MARK4: variants seen among roughly 807,000 people sequenced by gnomAD.
The protein encoded by MARK4 is MAP/microtubule affinity-regulating kinase 4.
Under a neutral mutation model 81.5 loss-of-function variants are expected in MARK4, and 19 were observed. The ratio of observed to expected loss-of-function variants is 0.23; its 90% CI spans 0.16 to 0.34. The LOEUF is 0.34. Ranked by LOEUF, MARK4 falls within the 10% of genes least tolerant of loss-of-function variation. The pLI is 1.00. For synonymous variants in MARK4, 436 were observed against 439.0 expected, an observed-to-expected ratio of 0.99 and a Z score of 0.08; for missense variants, 772 against 1,058.8, an observed-to-expected ratio of 0.73 and a Z score of 3.76.
chr19:45,301,434 G>A lies in MARK4; in HGVS notation c.1923-940G>A, dbSNP rs553326758. On this transcript the variant is annotated intron_variant, in intron 16 of 16. Coordinates refer to ENST00000262891, the MANE Select transcript of MARK4 (RefSeq NM_001199867.2). Reference sequence around the variant, plus strand: ...CAAAAATTAGCTGGCCGTGGTGCCTGTTCTCCCAGCTACTTGGGAAGCTGA... The same window carrying A: ...CAAAAATTAGCTGGCCGTGGTGCCTATTCTCCCAGCTACTTGGGAAGCTGA... Among the ~76,000 whole-genome samples the A allele has an allele frequency of 2.6e-5, 4 of 151,938 alleles. No homozygotes were observed. In the South Asian group the frequency reaches 8.3e-4, roughly 32 times the overall value.
At position 45,302,355 on chromosome 19, in the gene MARK4, T is replaced by G. The variant is rs748917582; in HGVS notation, c.1923-19T>G. 2 of 1,614,042 alleles carry G rather than the reference T, an allele frequency of 1.2e-6. No individual in the cohort carries two copies. The highest frequency in any genetic ancestry group is 2.2e-5 in the South Asian group (2 of 91,080). ...CCTCTTCGCTCCCATCTCTGACCCC[T>G]GACATCTTCTCGCCTCAGTTGCCAT... On this transcript the variant is annotated intron_variant, in intron 16 of 16. Transcript: ENST00000262891. This position sits in a 1 kb window ranked among gnomAD's most constrained non-coding sequence, Gnocchi z 4.9.
intron 2 of MARK4, among the ~76,000 whole-genome samples, chr19:45,262,266 G>T (rs553430546): frequency 1.0e-3 from 146 of 146,136 alleles, no homozygotes; most frequent in African/African-American, 3.6e-3. Context: ...GGTCAAGGTT[G>T]CAGTGAGCTA....
intron 4 of MARK4, 83 bp from the exon 5 acceptor site, chr19:45,264,601 T>A: frequency 7.5e-7 from 1 of 1,338,612 alleles, no homozygotes; most frequent in Admixed American, 1.7e-5. Flanking sequence ...GGTGTTATGG[T>A]TGGCACATTT....
At chr19:45,272,259 G>C (rs1343921788) in intron 8 of MARK4, among the ~76,000 whole-genome samples, 1 of 152,202 alleles carries the variant, frequency 6.6e-6, no homozygotes, top group East Asian at 1.9e-4. Flanking sequence ...TTGAACCTGG[G>C]AGATCAAGAC....
chr19:45,282,565 C>T (rs1013319056), intron 12 of MARK4, among the ~76,000 whole-genome samples: 2 of 152,180 alleles, frequency 1.3e-5, no homozygotes, highest in East Asian at 1.9e-4. Context: ...CAGCGGCTCA[C>T]GCCTGTAATC....
At chr19:45,300,744 A>G (rs916129750) in intron 16 of MARK4, among the ~76,000 whole-genome samples, 2 of 152,204 alleles carry the variant, frequency 1.3e-5, no homozygotes, top group Non-Finnish European at 2.9e-5. Flanking sequence ...ACAAACTGCC[A>G]GGGCTGACTC....
chr19:45,292,783 A>C (rs1472225417), intron 13 of MARK4, among the ~76,000 whole-genome samples: 1 of 152,042 alleles, frequency 6.6e-6, no homozygotes, highest in Non-Finnish European at 1.5e-5. Context: ...AGGTGAAAGG[A>C]TCCACTTGAG....
rs1041970938 is a variant in MARK4, at chr19:45,299,700, G to A, written c.1878-111G>A. The A allele has an allele frequency of 8.0e-6, 7 of 877,022 alleles. 1 individual carries two copies. Among genetic ancestry groups the A allele is most frequent in the Non-Finnish European group, 8.3e-6 (5 of 601,694 alleles). The allele number at this position is 877,022 out of a possible 1,614,324, so 54.3% of individuals were successfully genotyped here. A position where few individuals can be genotyped will look rare whatever the true frequency, so the allele number is the denominator to read the frequency against. The stretch of plus-strand genomic sequence containing the variant: ...CCTGACTCCAGGCCCTCACCAGCCC[G>A]GAGGGACTGGGGTTGAGGCAGGGGC... On this transcript the variant is annotated intron_variant, in intron 15 of 16. Coordinates refer to ENST00000262891, the MANE Select transcript of MARK4 (RefSeq NM_001199867.2).
intron 15 of MARK4, among the ~76,000 whole-genome samples, chr19:45,299,376 A>G (rs1020422235): frequency 6.6e-6 from 1 of 152,160 alleles, no homozygotes; most frequent in Non-Finnish European, 1.5e-5. Flanking sequence ...GCGAGCTGAG[A>G]TCACGCCACT....
chr19:45,289,749 G>A (rs544861831), intron 13 of MARK4, among the ~76,000 whole-genome samples: 6 of 152,114 alleles, frequency 3.9e-5, no homozygotes, highest in Non-Finnish European at 8.8e-5. Context: ...CAGCCTGGGC[G>A]ACAGAGCAAG....
chr19:45,279,328 C>A (rs527284872), intron 10 of MARK4, among the ~76,000 whole-genome samples: 3 of 152,064 alleles, frequency 2.0e-5, no homozygotes, highest in Non-Finnish European at 4.4e-5. Flanking sequence ...ACCAGCCTGG[C>A]CAACATGATG....
chr19:45,260,620 C>T (rs1252952992), intron 2 of MARK4, among the ~76,000 whole-genome samples: 2 of 152,056 alleles, frequency 1.3e-5, no homozygotes, highest in Non-Finnish European at 2.9e-5. Context: ...TCACTGGAAC[C>T]CAGGAGGCGA....
At chr19:45,283,391 A>G (rs1395744952) in intron 12 of MARK4, among the ~76,000 whole-genome samples, 1 of 145,200 alleles carries the variant, frequency 6.9e-6, no homozygotes, top group Non-Finnish European at 1.5e-5. Flanking sequence ...CCTGGGCGAT[A>G]AGAGTGAGAC....
intron 2 of MARK4, chr19:45,262,885 C>CAA (rs879410265): frequency 6.0e-6 from 3 of 502,124 alleles, no homozygotes; most frequent in Non-Finnish European, 1.1e-5. Context: ...CCAACTCAGC[C>CAA]TCCAGAGTAG....
chr19:45,298,059 C>T, intron 15 of MARK4, 105 bp downstream of exon 15: 2 of 1,071,354 alleles, frequency 1.9e-6, no homozygotes, highest in Admixed American at 2.6e-5. Context: ...TTTCCTCTTC[C>T]TCCTCCTCCT....
At chr19:45,296,230 TAAAAA>T (rs914362627) in intron 14 of MARK4, among the ~76,000 whole-genome samples, 51 of 151,494 alleles carry the variant, frequency 3.4e-4, no homozygotes, top group Middle Eastern at 6.8e-3. Context: ...AATCAAAAAT[TAAAAA>T]AAAATTTAAA....
intron 13 of MARK4, among the ~76,000 whole-genome samples, chr19:45,293,428 A>C (rs1352272708): frequency 6.6e-6 from 1 of 152,238 alleles, no homozygotes; most frequent in Non-Finnish European, 1.5e-5. Context: ...TGTGCCAATA[A>C]ATTTAACAGC....
intron 12 of MARK4, among the ~76,000 whole-genome samples, chr19:45,281,827 A>C (rs892708187): frequency 7.9e-5 from 12 of 152,140 alleles, no homozygotes; most frequent in African/African-American, 2.9e-4. Context: ...TTGCCTCCAC[A>C]CTGAAGTAAA....
intron 1 of MARK4, among the ~76,000 whole-genome samples, chr19:45,256,932 G>T (rs562424651): frequency 6.6e-6 from 1 of 152,000 alleles, no homozygotes; most frequent in African/African-American, 2.4e-5. Flanking sequence ...AGCTGTTATG[G>T]TGATCTGATA....
Sources: gnomAD v4.1 joint callset for allele counts (sites outside exome capture counted in the v4.1 genomes callset) on GRCh38, gnomAD v4.1.1 for gene constraint, Gnocchi (gnomAD v3.1) non-coding constraint, MANE v1.5 for transcripts, NCBI Gene and HGNC (gene_info 2026-07-23, HGNC 2026-07-21) for gene names.